FABP7: variants seen among roughly 807,000 people sequenced by gnomAD.
FABP7 encodes the protein fatty acid-binding protein, brain.
A neutral mutation model predicts 14.2 loss-of-function variants in FABP7; 13 were observed. The observed-to-expected ratio is 0.91, with a 90% CI of 0.59 to 1.45. The LOEUF (loss-of-function observed/expected upper bound fraction) is 1.45, where lower values mean the gene tolerates loss of function less well. FABP7 is among the 40% of genes most tolerant of loss of function. FABP7 has a pLI of 0.00. For synonymous variants in FABP7, 49 were observed against 51.4 expected, an observed-to-expected ratio of 0.95 and a Z score of 0.20; for missense variants, 149 against 157.6, an observed-to-expected ratio of 0.95 and a Z score of 0.29.
upstream of FABP7, among the ~76,000 whole-genome samples, chr6:122,778,011 A>T (rs1280218339): frequency 1.3e-5 from 2 of 151,992 alleles, no homozygotes; most frequent in African/African-American, 2.4e-5. Flanking sequence ...AGCTGAACCA[A>T]TGTATGCCTT....
chr6:122,749,552 A>G, the FABP7 span, among the ~76,000 whole-genome samples: 147 of 152,292 alleles, frequency 9.7e-4, no homozygotes, highest in East Asian at 0.017. Flanking sequence ...TTATAACCCT[A>G]AATATCTACT....
the FABP7 span, among the ~76,000 whole-genome samples, chr6:122,756,151 C>T: frequency 6.6e-6 from 1 of 152,112 alleles, no homozygotes; most frequent in Non-Finnish European, 1.5e-5. Context: ...AGTAAACAAG[C>T]TATTCAGATA....
At chr6:122,780,606 T>A (rs1032424330) in intron 2 of FABP7, 143 bp downstream of exon 2, 4 of 860,216 alleles carry the variant, frequency 4.6e-6, no homozygotes, top group Non-Finnish European at 7.2e-6. Flanking sequence ...CCAAAGTTAG[T>A]TTAATGTGCA....
chr6:122,783,770 A>G lies in FABP7; in HGVS notation c.*3A>G, dbSNP rs1343808323. 1 of 1,609,424 alleles carries G rather than the reference A, an allele frequency of 6.2e-7. No homozygotes were observed. The highest frequency in any genetic ancestry group is 8.5e-7 in the Non-Finnish European group (1 of 1,178,292). ...TTCGCCACTATGAGAAGGCATAAAA[A>G]TGTTCCTGGTCGGGGCTTGGAAGAG... On this transcript the variant is annotated 3_prime_UTR_variant, in exon 4 of 4. Coordinates refer to ENST00000368444, the MANE Select transcript of FABP7 (RefSeq NM_001446.5).
the FABP7 span, among the ~76,000 whole-genome samples, chr6:122,761,213 C>G: frequency 6.6e-6 from 1 of 152,196 alleles, no homozygotes; most frequent in East Asian, 1.9e-4. Context: ...TTAACATACA[C>G]AGTGGAAGAC....
chr6:122,773,456 T>G, the FABP7 span, among the ~76,000 whole-genome samples: 1 of 152,200 alleles, frequency 6.6e-6, no homozygotes, highest in Admixed American at 6.5e-5. Context: ...TGTAAATTCT[T>G]TTTGCCAACC....
At chr6:122,783,665 G>T in intron 3 of FABP7, 52 bp from the exon 4 acceptor site, 2 of 1,542,924 alleles carry the variant, frequency 1.3e-6, no homozygotes, top group Non-Finnish European at 1.7e-6. Context: ...TTTAAAATTC[G>T]GTGACTGAAG....
the FABP7 span, among the ~76,000 whole-genome samples, chr6:122,759,672 A>C: frequency 1.3e-5 from 2 of 152,186 alleles, no homozygotes; most frequent in Non-Finnish European, 2.9e-5. Context: ...AAATTAGTTA[A>C]TTTTATATAT....
chr6:122,762,815 C>G, the FABP7 span, among the ~76,000 whole-genome samples: 1 of 152,178 alleles, frequency 6.6e-6, no homozygotes, highest in South Asian at 2.1e-4. Flanking sequence ...AATAAAATAC[C>G]TAGGAATCCA....
chr6:122,770,899 A>ATTTTCT, the FABP7 span, among the ~76,000 whole-genome samples: 1 of 152,162 alleles, frequency 6.6e-6, no homozygotes, highest in African/African-American at 2.4e-5. Flanking sequence ...AGAGGGTAAA[A>ATTTTCT]CAGTATTTCC....
the FABP7 span, among the ~76,000 whole-genome samples, chr6:122,771,728 T>C: frequency 6.6e-6 from 1 of 152,206 alleles, no homozygotes; most frequent in Non-Finnish European, 1.5e-5. Flanking sequence ...AACATTAACA[T>C]GATAGGATTA....
chr6:122,756,631 A>G, the FABP7 span, among the ~76,000 whole-genome samples: 1 of 152,164 alleles, frequency 6.6e-6, no homozygotes, highest in Non-Finnish European at 1.5e-5. Flanking sequence ...GTCCTTCTTT[A>G]TGAAAAATTC....
chr6:122,771,182 A>C, the FABP7 span, among the ~76,000 whole-genome samples: 1 of 152,174 alleles, frequency 6.6e-6, no homozygotes, highest in Admixed American at 6.5e-5. Flanking sequence ...AATTATGTAG[A>C]GATAACTGTT....
chr6:122,776,620 T>C (rs1780677632), upstream of FABP7, among the ~76,000 whole-genome samples: 2 of 152,180 alleles, frequency 1.3e-5, no homozygotes, highest in South Asian at 4.1e-4. Flanking sequence ...ACAGGTTTAC[T>C]ATAGTTAACA....
the FABP7 span, among the ~76,000 whole-genome samples, chr6:122,772,194 C>T: frequency 6.6e-6 from 1 of 152,014 alleles, no homozygotes; most frequent in African/African-American, 2.4e-5. Flanking sequence ...TTTTCTTGGC[C>T]GAGTTGTTGC....
At chr6:122,779,311 C>A, upstream of FABP7, among the ~76,000 whole-genome samples, 1 of 152,190 alleles carries the variant, frequency 6.6e-6, no homozygotes, top group Non-Finnish European at 1.5e-5. Context: ...CATTTGTGAC[C>A]AGCTTTGTCA....
Position 122,780,447 on chromosome 6 carries a change from A to C in FABP7, c.230A>C (p.Asp77Ala). Residue 77 changes from aspartate to alanine, a missense_variant, in exon 2 of 4, where the codon GAT becomes GCT. By Grantham distance (126) the Asp-to-Ala change is moderately radical. Coordinates refer to ENST00000368444, the MANE Select transcript of FABP7 (RefSeq NM_001446.5). ...LGEEFDETTA[D>A]DRNCKSVVSL... ...GAAGAGTTTGATGAAACCACTGCAG[A>C]TGATAGAAACTGTAAGGTGAGAAAC... 6.2e-7 allele frequency: 1 copy of C among 1,612,806 alleles called. No homozygotes were observed. The highest frequency in any genetic ancestry group is 1.1e-5 in the South Asian group (1 of 90,604).
rs1441631765 is a variant in FABP7, at chr6:122,779,719, A to T, written c.-76A>T. 1 of 1,415,698 alleles carries T rather than the reference A, an allele frequency of 7.1e-7. No homozygotes were observed. The highest frequency in any genetic ancestry group is 1.7e-5 in the Admixed American group (1 of 57,272). 87.7% of individuals were successfully genotyped at this position (1,415,698 alleles called of 1,614,324 possible). On this transcript the variant is annotated 5_prime_UTR_variant, in exon 1 of 4. Coordinates refer to ENST00000368444, the MANE Select transcript of FABP7 (RefSeq NM_001446.5). ...GGCAGGAGCTGCTTGCTGAGGTGTA[A>T]AGGGTCTTCTGAGCTGCAGTGGCAA...
upstream of FABP7, among the ~76,000 whole-genome samples, chr6:122,778,801 A>G (rs958785947): frequency 6.6e-6 from 1 of 152,176 alleles, no homozygotes; most frequent in African/African-American, 2.4e-5. Context: ...AAATGTACAC[A>G]GATTGTATTT....
Sources: allele counts gnomAD v4.1 joint callset (sites outside exome capture counted in the v4.1 genomes callset), GRCh38; gene constraint gnomAD v4.1.1; transcripts MANE v1.5; gene names NCBI Gene and HGNC (gene_info 2026-07-23, HGNC 2026-07-21).